LY6K: variants seen among roughly 807,000 people sequenced by gnomAD.
LY6K encodes lymphocyte antigen 6K.
A neutral mutation model predicts 10.4 loss-of-function variants in LY6K; 9 were observed. That is an observed-to-expected ratio of 0.87 (90% confidence interval 0.52 to 1.52). The LOEUF (loss-of-function observed/expected upper bound fraction) is 1.52. Ranked by LOEUF, LY6K falls within the 40% of genes most tolerant of loss-of-function variation. The pLI is 0.00. For synonymous variants in LY6K, 98 were observed against 83.7 expected, an observed-to-expected ratio of 1.17 and a Z score of -0.94; for missense variants, 217 against 211.7, an observed-to-expected ratio of 1.02 and a Z score of -0.15.
chr8:142,703,054 G>A (rs782424851), intron 2 of LY6K, 37 bp from the exon 3 acceptor site: 3 of 1,610,436 alleles, frequency 1.9e-6, no homozygotes, highest in East Asian at 2.2e-5. Context: ...CATTGGAATT[G>A]CGTGATTGCC....
chr8:142,704,583 C>T lies in LY6K; in HGVS notation c.*1212C>T, dbSNP rs1353740672. On this transcript the variant is annotated 3_prime_UTR_variant, in exon 3 of 3. Coordinates refer to ENST00000292430, the MANE Select transcript of LY6K (RefSeq NM_017527.4). ...TTGGCTGACTTTCTCTATACACTCT[C>T]ATAATAAGATGTTACTGTTCTTTGG... The T allele has an allele frequency of 6.6e-6, 1 of 152,188 alleles. No homozygotes were observed. Among genetic ancestry groups the T allele is most frequent in the Non-Finnish European group, 1.5e-5 (1 of 68,042 alleles). 9.4% of individuals were successfully genotyped at this position (152,188 alleles called of 1,614,324 possible). A position where few individuals can be genotyped will look rare whatever the true frequency, so the allele number is the denominator to read the frequency against.
rs1168328255 is a variant in LY6K at position 142,703,497 on chromosome 8, G to A, written c.*126G>A. 2.6e-6 allele frequency: 3 copies of A among 1,152,888 alleles called. No homozygotes were observed. Among genetic ancestry groups the A allele is most frequent in the Non-Finnish European group, 3.6e-6 (3 of 837,034 alleles). The allele number at this position is 1,152,888 out of a possible 1,614,324, so 71.4% of individuals were successfully genotyped here. On this transcript the variant is annotated 3_prime_UTR_variant, in exon 3 of 3. Transcript: ENST00000292430. ...TTTGACTTCCCAGGGTCTTGGGATG[G>A]GAGAGTGGGGATCAGGTGCAGTTGG...
rs1815149136 is a variant in LY6K at position 142,704,525 on chromosome 8, T to A, written c.*1154T>A. 6.6e-6 allele frequency: 1 copy of A among 152,186 alleles called. No individual in the cohort carries two copies. Among genetic ancestry groups the A allele is most frequent in the South Asian group, 2.1e-4 (1 of 4,828 alleles). 9.4% of individuals were successfully genotyped at this position (152,186 alleles called of 1,614,324 possible). A position where few individuals can be genotyped will look rare whatever the true frequency, so the allele number is the denominator to read the frequency against. On this transcript the variant is annotated 3_prime_UTR_variant, in exon 3 of 3. Transcript: ENST00000292430. ...GGCTCTCTGGTGAAGCTTTCCGGGG[T>A]GACGATTTCCTGGGTGTTTTCCTGC...
rs1814946033 is a variant in LY6K at position 142,700,276 on chromosome 8, C to T, written c.-252C>T. On this transcript the variant is annotated 5_prime_UTR_variant, in exon 1 of 3. Transcript: ENST00000292430. ...GCTCCCGCGCCCGTTCCTGCCTGGC[C>T]GCCGGCCGCTCCAACAGCAGCACAA... 6.7e-6 allele frequency: 8 copies of T among 1,187,508 alleles called. No individual in the cohort carries two copies. The East Asian group carries it at 1.2e-4, about 18-fold the overall frequency. The allele number at this position is 1,187,508 out of a possible 1,614,324, so 73.6% of individuals were successfully genotyped here.
In LY6K at chr8:142,701,673, G is replaced by T. The variant is rs143386606; in HGVS notation, c.177G>T (p.Arg59Ser). The T allele has an allele frequency of 3.1e-6, 5 of 1,613,900 alleles. No homozygotes were observed. The highest frequency in any genetic ancestry group is 3.4e-6 in the Non-Finnish European group (4 of 1,179,954). Residue 59 changes from arginine (R) to serine (S), a missense_variant, in exon 2 of 3, where the codon AGG becomes AGT. By Grantham distance (110) the Arg-to-Ser change is moderately radical. Coordinates refer to ENST00000292430, the MANE Select transcript of LY6K (RefSeq NM_017527.4). ...CTTTCGAGTGCCAGAACCCAAGGAG[G>T]TGCAAATGGACAGAGCCATACTGCG... ...ENTFECQNPR[R>S]CKWTEPYCVI...
rs1554640183 is a variant in LY6K, at chr8:142,701,718, G to GT, written c.217+6dup. ...ACTGCGTTATAGCGGCCGTGAGTGA[G>GT]TATCTTCGCTCTTGTTGGGGACCCA... is the stretch of plus-strand genomic sequence containing the variant. On this transcript the variant is annotated splice_donor_region_variant and intron_variant, in intron 2 of 2. Coordinates refer to ENST00000292430, the MANE Select transcript of LY6K (RefSeq NM_017527.4). 1 of 1,596,650 alleles carries GT rather than the reference G, an allele frequency of 6.3e-7. No individual in the cohort carries two copies. The highest frequency in any genetic ancestry group is 8.6e-7 in the Non-Finnish European group (1 of 1,164,984).
In LY6K at chr8:142,704,179, A is replaced by G. The variant is rs1815142645; in HGVS notation, c.*808A>G. 6.6e-6 allele frequency: 1 copy of G among 152,240 alleles called. No individual in the cohort carries two copies. Among genetic ancestry groups the G allele is most frequent in the South Asian group, 2.1e-4 (1 of 4,832 alleles). The allele number at this position is 152,240 out of a possible 1,614,324, so 9.4% of individuals were successfully genotyped here. On this transcript the variant is annotated 3_prime_UTR_variant, in exon 3 of 3. Transcript: ENST00000292430. ...AAAAGTTCACGAAAAAATTGAATTA[A>G]AAGATAAAAATTAAAAAATGTTTTA...
In LY6K at chr8:142,703,227, T is replaced by G; in HGVS notation, c.354T>G (p.Ile118Met). ...MPFFYLKCCK[I>M]RYCNLEGPPI... is the part of the protein sequence containing the mutation. ...TCTTTTACCTCAAGTGTTGTAAAAT[T>G]CGCTACTGCAATTTAGAGGGGCCAC... is the stretch of plus-strand genomic sequence containing the variant. Residue 118 changes from isoleucine to methionine, a missense_variant, in exon 3 of 3, where the codon ATT (isoleucine) becomes ATG (methionine). By Grantham distance (10) the Ile-to-Met change is conservative (BLOSUM62 1). Coordinates refer to ENST00000292430, the MANE Select transcript of LY6K (RefSeq NM_017527.4). 1 of 1,614,216 alleles carries G rather than the reference T, an allele frequency of 6.2e-7. No homozygotes were observed. The highest frequency in any genetic ancestry group is 8.5e-7 in the Non-Finnish European group (1 of 1,180,034).
chr8:142,703,118 C>T lies in LY6K; in HGVS notation c.245C>T (p.Ala82Val), dbSNP rs1376238750. Reference sequence around the variant, plus strand: ...ATATTTCCACGTTTTTTCATGGTTGCGAAGCAGTGCTCCGCTGGTTGTGCA... The same window carrying T: ...ATATTTCCACGTTTTTTCATGGTTGTGAAGCAGTGCTCCGCTGGTTGTGCA... ...VKIFPRFFMV[A>V]KQCSAGCAAM... is the part of the protein sequence containing the mutation. Residue 82 changes from alanine to valine, a missense_variant, in exon 3 of 3, where the codon GCG becomes GTG. Physicochemically the swap from Ala to Val is moderately conservative, Grantham distance 64. Coordinates refer to ENST00000292430, the MANE Select transcript of LY6K (RefSeq NM_017527.4). 16 of 1,613,782 alleles carry T rather than the reference C, an allele frequency of 9.9e-6. No individual in the cohort carries two copies. Among genetic ancestry groups the T allele is most frequent in the East Asian group, 6.7e-5 (3 of 44,890 alleles).
In LY6K at chr8:142,704,623, A is replaced by C. The variant is rs1815151358; in HGVS notation, c.*1252A>C. ...CTGTTCTTTGGCCCTCCAGAAAGTC[A>C]ATAAGCAAGATGCCTTGAGCATTCA... is the stretch of plus-strand genomic sequence containing the variant. On this transcript the variant is annotated 3_prime_UTR_variant, in exon 3 of 3. Coordinates refer to ENST00000292430, the MANE Select transcript of LY6K (RefSeq NM_017527.4). 2 of 152,234 alleles carry C rather than the reference A, an allele frequency of 1.3e-5. No homozygotes were observed. Among genetic ancestry groups the C allele is most frequent in the Non-Finnish European group, 2.9e-5 (2 of 68,044 alleles). 9.4% of individuals were successfully genotyped at this position (152,234 alleles called of 1,614,324 possible).
rs1297137523 is a variant in LY6K at position 142,700,543 on chromosome 8, T to TTGC, written c.22_24dup (p.Leu8dup). The TTGC allele has an allele frequency of 1.9e-6, 3 of 1,584,034 alleles. No individual in the cohort carries two copies. Among genetic ancestry groups the TTGC allele is most frequent in the Non-Finnish European group, 2.6e-6 (3 of 1,167,508 alleles). ...GCTGGGGACGATGGCGCTGCTCGCC[T>TTGC]TGCTGCTGGTCGTGGCCCTACCGCG... is the stretch of plus-strand genomic sequence containing the variant. On this transcript the variant is annotated inframe_insertion, in exon 1 of 3. Transcript: ENST00000292430.
chr8:142,701,001 C>T (rs1351853997), intron 1 of LY6K, among the ~76,000 whole-genome samples: 3 of 149,968 alleles, frequency 2.0e-5, no homozygotes, highest in Non-Finnish European at 4.4e-5. Context: ...AGGGAGAACT[C>T]CTTTGAGGGA....
In LY6K at chr8:142,703,410, G is replaced by T; in HGVS notation, c.*39G>T. 1 of 1,582,290 alleles carries T rather than the reference G, an allele frequency of 6.3e-7. No individual in the cohort carries two copies. Among genetic ancestry groups the T allele is most frequent in the South Asian group, 1.1e-5 (1 of 88,346 alleles). ...CACAGACTGAGCCTTCCGGAGCATG[G>T]ACTCGCTCCAGACCGTTGTCACCTG... On this transcript the variant is annotated 3_prime_UTR_variant, in exon 3 of 3. Transcript: ENST00000292430.
In LY6K at chr8:142,700,578, A is replaced by C; in HGVS notation, c.51A>C (p.Thr17=). ...TCGTGGCCCTACCGCGGGTGTGGAC[A>C]GACGCCAACCTGACTGCGAGACAAC... ...LLVVALPRVW[T]DANLTARQRD... is the part of the protein sequence containing the mutation. Residue 17 remains threonine, a synonymous_variant, in exon 1 of 3, where the codon ACA becomes ACC. Transcript: ENST00000292430. The C allele has an allele frequency of 1.3e-6, 2 of 1,584,064 alleles. No homozygotes were observed. Among genetic ancestry groups the C allele is most frequent in the African/African-American group, 1.4e-5 (1 of 72,094 alleles).
In LY6K at chr8:142,704,146, G is replaced by C. The variant is rs1427464684; in HGVS notation, c.*775G>C. Reference sequence around the variant, plus strand: ...AAGTTCCACCAAAAACAAATACAAGGGGACTTCAAAAGTTCACGAAAAAAT... The same window carrying C: ...AAGTTCCACCAAAAACAAATACAAGCGGACTTCAAAAGTTCACGAAAAAAT... On this transcript the variant is annotated 3_prime_UTR_variant, in exon 3 of 3. Transcript: ENST00000292430. The C allele has an allele frequency of 6.6e-6, 1 of 151,884 alleles. No homozygotes were observed. The highest frequency in any genetic ancestry group is 1.9e-4 in the East Asian group (1 of 5,192). The allele number at this position is 151,884 out of a possible 1,614,324, so 9.4% of individuals were successfully genotyped here. A position where few individuals can be genotyped will look rare whatever the true frequency, so the allele number is the denominator to read the frequency against.
In LY6K at chr8:142,703,487, T is replaced by C. The variant is rs1327866817; in HGVS notation, c.*116T>C. ...TACCTCTTGGTTTGACTTCCCAGGG[T>C]CTTGGGATGGGAGAGTGGGGATCAG... On this transcript the variant is annotated 3_prime_UTR_variant, in exon 3 of 3. Coordinates refer to ENST00000292430, the MANE Select transcript of LY6K (RefSeq NM_017527.4). 9.3e-6 allele frequency: 12 copies of C among 1,284,758 alleles called. No individual in the cohort carries two copies. In the Admixed American group the frequency reaches 2.3e-4, roughly 25 times the overall value. 79.6% of individuals were successfully genotyped at this position (1,284,758 alleles called of 1,614,324 possible).
In LY6K at chr8:142,704,266, A is replaced by G. The variant is rs957288915; in HGVS notation, c.*895A>G. 2 of 152,232 alleles carry G rather than the reference A, an allele frequency of 1.3e-5. No homozygotes were observed. The highest frequency in any genetic ancestry group is 2.9e-5 in the Non-Finnish European group (2 of 68,032). 9.4% of individuals were successfully genotyped at this position (152,232 alleles called of 1,614,324 possible). A position where few individuals can be genotyped will look rare whatever the true frequency, so the allele number is the denominator to read the frequency against. ...CTGCAAGTAATGGTACCAGCCATTC[A>G]GTTCATCCCTAAAGAATTGGGCACC... is the stretch of plus-strand genomic sequence containing the variant. On this transcript the variant is annotated 3_prime_UTR_variant, in exon 3 of 3. Transcript: ENST00000292430.
At position 142,700,337 on chromosome 8, in the gene LY6K, G is replaced by T; in HGVS notation, c.-191G>T. On this transcript the variant is annotated 5_prime_UTR_variant, in exon 1 of 3. Transcript: ENST00000292430. ...AGAACCGGCGTTCAGGGCCGCCAGC[G>T]GCCGCGAGGCCCTGAGATGAGGCTC... The T allele has an allele frequency of 7.7e-7, 1 of 1,306,682 alleles. No homozygotes were observed. The highest frequency in any genetic ancestry group is 2.0e-5 in the South Asian group (1 of 49,574). 80.9% of individuals were successfully genotyped at this position (1,306,682 alleles called of 1,614,324 possible). A position where few individuals can be genotyped will look rare whatever the true frequency, so the allele number is the denominator to read the frequency against.
In LY6K at chr8:142,700,382, C is replaced by CGGCGGGTGGGAGGCGCGCGCCCCGG; in HGVS notation, c.-139_-115dup. On this transcript the variant is annotated 5_prime_UTR_variant, in exon 1 of 3. It introduces an in-frame stop codon into an upstream open reading frame of the 5' UTR. Coordinates refer to ENST00000292430, the MANE Select transcript of LY6K (RefSeq NM_017527.4). Reference sequence around the variant, plus strand: ...AGGCTCCAAAGACCCCGACAGGCCCCGGCGGGTGGGAGGCGCGCGCCCCGG... The same window carrying CGGCGGGTGGGAGGCGCGCGCCCCGG: ...AGGCTCCAAAGACCCCGACAGGCCCCGGCGGGTGGGAGGCGCGCGCCCCGGGGCGGGTGGGAGGCGCGCGCCCCGG... 1 of 1,343,056 alleles carries CGGCGGGTGGGAGGCGCGCGCCCCGG rather than the reference C, an allele frequency of 7.4e-7. No individual in the cohort carries two copies. The highest frequency in any genetic ancestry group is 9.5e-7 in the Non-Finnish European group (1 of 1,051,622). 83.2% of individuals were successfully genotyped at this position (1,343,056 alleles called of 1,614,324 possible).
Sources: allele counts gnomAD v4.1 joint callset (sites outside exome capture counted in the v4.1 genomes callset), GRCh38; gene constraint gnomAD v4.1.1; transcripts MANE v1.5; gene names NCBI Gene and HGNC (gene_info 2026-07-23, HGNC 2026-07-21).